Variants in RAD17 observed in about 807,000 individuals in gnomAD.
RAD17 encodes the protein RAD17 checkpoint clamp loader component.
Under a neutral mutation model 81.5 loss-of-function variants are expected in RAD17, and 31 were observed. The ratio of observed to expected loss-of-function variants is 0.38; its 90% confidence interval spans 0.29 to 0.51. RAD17 has a LOEUF of 0.51. RAD17 is among the 20% of genes least tolerant of loss of function. RAD17 has a pLI of 0.88. For missense variants in RAD17, 681 were observed against 781.2 expected (o/e 0.87, Z 1.53); for synonymous variants, 261 against 266.2 (o/e 0.98, Z 0.19).
intron 6 of RAD17, 54 bp downstream of exon 6, chr5:69,374,765 C>A: frequency 7.2e-7 from 1 of 1,382,118 alleles, no homozygotes; most frequent in South Asian, 1.2e-5. Flanking sequence ...TTCTGACTTA[C>A]AGTGTGTTGT....
upstream of RAD17, chr5:69,369,682 C>T (rs1255598756): frequency 3.2e-6 from 5 of 1,554,600 alleles, no homozygotes; most frequent in South Asian, 3.5e-5. Flanking sequence ...ACATTTCCGT[C>T]GCAAAGTTGG....
chr5:69,399,428 C>T (rs1373454434), intron 16 of RAD17, among the ~76,000 whole-genome samples: 1 of 152,210 alleles, frequency 6.6e-6, no homozygotes, highest in Non-Finnish European at 1.5e-5. Flanking sequence ...TTCGTGACCC[C>T]TGGACTGGGT....
rs1764575407 is a variant in RAD17, at chr5:69,391,881, G to A, written c.1057G>A (p.Ala353Thr). 6.3e-7 allele frequency: 1 copy of A among 1,590,564 alleles called. No homozygotes were observed. The highest frequency in any genetic ancestry group is 1.4e-5 in the African/African-American group (1 of 73,038). The change falls in exon 13 of 19, where the codon GCT becomes ACT. Residue 353 changes from alanine to threonine, a missense_variant. Physicochemically the swap from Ala to Thr is moderately conservative, Grantham distance 58. Coordinates refer to ENST00000354868, the MANE Select transcript of RAD17 (RefSeq NM_133338.3). Reference protein sequence around the residue: ...RKKGMSLKSDAVLSKSKRRKK... With the variant: ...RKKGMSLKSDTVLSKSKRRKK... ...AAAAGGAATGTCTTTAAAATCAGAT[G>A]CTGTGCTGTCAAAATCAAAACGAAG... is the stretch of plus-strand genomic sequence containing the variant.
In RAD17 at chr5:69,384,844, A is replaced by G. The variant is rs777107197; in HGVS notation, c.556A>G (p.Lys186Glu). ...CTATCAGTCTCAGATAGCAGTTTTC[A>G]AAGAGTTTCTACTAAGAGCGACAAA... Reference protein sequence around the residue: ...FPYQSQIAVFKEFLLRATKYN... With the variant: ...FPYQSQIAVFEEFLLRATKYN... Residue 186 changes from lysine to glutamate, a missense_variant, in exon 8 of 19, where the codon AAA becomes GAA. Physicochemically the swap from Lys to Glu is moderately conservative, Grantham distance 56. Coordinates refer to ENST00000354868, the MANE Select transcript of RAD17 (RefSeq NM_133338.3). The G allele has an allele frequency of 1.2e-6, 2 of 1,612,880 alleles. No homozygotes were observed. The highest frequency in any genetic ancestry group is 1.1e-5 in the South Asian group (1 of 91,004).
intron 18 of RAD17, among the ~76,000 whole-genome samples, chr5:69,412,555 T>C (rs1489174866): frequency 1.3e-5 from 2 of 152,220 alleles, no homozygotes; most frequent in African/African-American, 2.4e-5. Context: ...ATATACCTTT[T>C]GGGGCTTTTC....
Position 69,372,103 on chromosome 5 carries a change from G to C in RAD17, c.-106G>C. ...TATAAATAATTTGCAAATCAGAATT[G>C]CTGTCGAAAGTTTTACTATAATGAA... On this transcript the variant is annotated 5_prime_UTR_variant, in exon 4 of 19. Transcript: ENST00000354868. 2.1e-6 allele frequency: 3 copies of C among 1,452,244 alleles called. No individual in the cohort carries two copies. Among genetic ancestry groups the C allele is most frequent in the Non-Finnish European group, 2.8e-6 (3 of 1,076,344 alleles). The allele number at this position is 1,452,244 out of a possible 1,614,324, so 90.0% of individuals were successfully genotyped here.
chr5:69,409,116 C>T (rs891582936), intron 17 of RAD17, among the ~76,000 whole-genome samples: 1 of 152,102 alleles, frequency 6.6e-6, no homozygotes, highest in Non-Finnish European at 1.5e-5. Context: ...GGAGCTTTTT[C>T]CTACGGACTG....
chr5:69,390,151 G>A (rs1361644688), intron 12 of RAD17, among the ~76,000 whole-genome samples: 2 of 152,168 alleles, frequency 1.3e-5, no homozygotes, highest in Non-Finnish European at 2.9e-5. Flanking sequence ...GCATTTAGCA[G>A]ACTACTTAAT....
intron 4 of RAD17, 118 bp from the exon 5 acceptor site, chr5:69,373,712 T>TAGTTTTAAAGGTTATAAATATA: frequency 2.7e-6 from 1 of 373,564 alleles, no homozygotes; most frequent in Non-Finnish European, 3.9e-6. Context: ...TTTTTTTTTT[T>TAGTTTTAAAGGTTATAAATATA]TTTTAAGTTT....
chr5:69,369,839 T>A lies in RAD17; in HGVS notation c.-511T>A. Reference sequence around the variant, plus strand: ...GGCCGTACCTCCGAGAGGCTCGGCGTTGAGCCCGGGTAGGGCCAGGTGGCT... The same window carrying A: ...GGCCGTACCTCCGAGAGGCTCGGCGATGAGCCCGGGTAGGGCCAGGTGGCT... On this transcript the variant is annotated 5_prime_UTR_variant, in exon 1 of 19. In the 5' UTR this introduces an upstream ATG that the reference lacks. Transcript: ENST00000354868. 9 of 894,670 alleles carry A rather than the reference T, an allele frequency of 1.0e-5. No homozygotes were observed. The South Asian group carries it at 1.5e-4, about 15-fold the overall frequency. The allele number at this position is 894,670 out of a possible 1,614,324, so 55.4% of individuals were successfully genotyped here. A position where few individuals can be genotyped will look rare whatever the true frequency, so the allele number is the denominator to read the frequency against.
At chr5:69,382,164 A>G (rs936138550) in intron 7 of RAD17, 107 bp downstream of exon 7, 2 of 1,307,508 alleles carry the variant, frequency 1.5e-6, no homozygotes, top group African/African-American at 1.5e-5. Flanking sequence ...TCTTGCTTTC[A>G]GAGGGATGGA....
chr5:69,369,644 G>A (rs1198612279), upstream of RAD17: 24 of 1,562,978 alleles, frequency 1.5e-5, no homozygotes, highest in Non-Finnish European at 2.1e-5. Flanking sequence ...CCCAGCCGCG[G>A]CCCACTGGTT....
At chr5:69,408,771 A>G (rs1237202053) in intron 17 of RAD17, among the ~76,000 whole-genome samples, 3 of 152,086 alleles carry the variant, frequency 2.0e-5, no homozygotes, top group African/African-American at 2.4e-5. Flanking sequence ...TTGGCCTCCC[A>G]AAGTGCTGGG....
chr5:69,396,041 T>A (rs1764863865), intron 15 of RAD17, among the ~76,000 whole-genome samples: 1 of 152,190 alleles, frequency 6.6e-6, no homozygotes, highest in Admixed American at 6.5e-5. Flanking sequence ...AACTAATTAG[T>A]TACATTAACT....
chr5:69,400,327 G>T (rs1371997959), intron 17 of RAD17, among the ~76,000 whole-genome samples, 158 bp downstream of exon 17: 2 of 151,660 alleles, frequency 1.3e-5, no homozygotes, highest in Non-Finnish European at 2.9e-5. Flanking sequence ...AAGCAATTCT[G>T]TTCCCTCAGC....
chr5:69,388,976 TTTG>T (rs751845800), intron 11 of RAD17, 55 bp from the exon 12 acceptor site: 177 of 902,760 alleles, frequency 2.0e-4, no homozygotes, highest in South Asian at 2.4e-4. Context: ...GTTGGGGTTT[TTTG>T]TTGTTGTTAT....
intron 18 of RAD17, among the ~76,000 whole-genome samples, chr5:69,412,096 A>G (rs1766045717): frequency 6.6e-6 from 1 of 152,092 alleles, no homozygotes; most frequent in Admixed American, 6.5e-5. Flanking sequence ...AGCTGGGACT[A>G]CAGGCGCCCG....
chr5:69,376,221 C>T (rs544774406), intron 6 of RAD17, among the ~76,000 whole-genome samples: 5 of 152,254 alleles, frequency 3.3e-5, no homozygotes, highest in South Asian at 4.1e-4. Context: ...GGGGAGATAC[C>T]GTGGCAGCAT....
intron 17 of RAD17, among the ~76,000 whole-genome samples, chr5:69,406,355 A>T (rs1415213786): frequency 6.6e-6 from 1 of 152,184 alleles, no homozygotes; most frequent in African/African-American, 2.4e-5. Flanking sequence ...ATAATAGTAG[A>T]GCACAGAATG....
Sources: allele counts gnomAD v4.1 joint callset (sites outside exome capture counted in the v4.1 genomes callset), GRCh38; gene constraint gnomAD v4.1.1; transcripts MANE v1.5; gene names NCBI Gene and HGNC (gene_info 2026-07-23, HGNC 2026-07-21).